Variants in PLCL2 observed in about 807,000 individuals in gnomAD.
The protein encoded by PLCL2 is inactive phospholipase C-like protein 2.
A neutral mutation model predicts 79.6 loss-of-function variants in PLCL2; 4 were observed. That is an observed-to-expected ratio of 0.05 (90% CI 0.02 to 0.11). The LOEUF (loss-of-function observed/expected upper bound fraction) is 0.11. PLCL2 is among the 10% of genes least tolerant of loss of function. The probability of loss-of-function intolerance (pLI) is 1.00; values close to 1 mark genes in which losing one functional copy is unlikely to be tolerated. For synonymous variants in PLCL2, 484 were observed against 457.7 expected (o/e 1.06, Z -0.73); for missense variants, 895 against 1,291.0 (o/e 0.69, Z 4.70).
intron 1 of PLCL2, among the ~76,000 whole-genome samples, chr3:16,913,964 T>C (rs2124929790): frequency 6.6e-6 from 1 of 152,384 alleles, no homozygotes; most frequent in East Asian, 1.9e-4. Context: ...AAATGTTTTC[T>C]TCAACACCCT....
chr3:16,959,120 G>A (rs2063732341), intron 1 of PLCL2, among the ~76,000 whole-genome samples: 1 of 152,120 alleles, frequency 6.6e-6, no homozygotes, highest in East Asian at 1.9e-4. Context: ...TGCAGCTCCT[G>A]CTTCCACATT....
chr3:16,930,654 T>C (rs1697371737), intron 1 of PLCL2, among the ~76,000 whole-genome samples: 1 of 152,204 alleles, frequency 6.6e-6, no homozygotes, highest in South Asian at 2.1e-4. Flanking sequence ...GTGATACTTC[T>C]GTAAACTCCC....
At chr3:17,005,794 C>A (rs9845137) in intron 1 of PLCL2, among the ~76,000 whole-genome samples, 23,541 of 151,988 alleles carry the variant, frequency 0.15, 2,269 homozygotes, top group Non-Finnish European at 0.2. Context: ...TCTTTGGAAG[C>A]CGGTTTTCTT....
chr3:16,963,631 T>A (rs2063776484), intron 1 of PLCL2, among the ~76,000 whole-genome samples: 1 of 152,182 alleles, frequency 6.6e-6, no homozygotes, highest in African/African-American at 2.4e-5. Context: ...GCAATCTTAT[T>A]TAACCCCCAG....
intron 1 of PLCL2, among the ~76,000 whole-genome samples, chr3:16,934,121 T>C (rs1325708055): frequency 1.3e-5 from 2 of 152,136 alleles, no homozygotes; most frequent in Non-Finnish European, 2.9e-5. Context: ...GCCCTAGATA[T>C]TGGGCATGCA....
chr3:16,902,966 G>A (rs2124922400), intron 1 of PLCL2, among the ~76,000 whole-genome samples: 1 of 151,864 alleles, frequency 6.6e-6, no homozygotes, highest in East Asian at 1.9e-4. Context: ...TAATCTTTGA[G>A]TCTCTTACCA....
At chr3:17,041,292 CT>C (rs1463672221) in intron 3 of PLCL2, among the ~76,000 whole-genome samples, 1 of 152,114 alleles carries the variant, frequency 6.6e-6, no homozygotes, top group Admixed American at 6.6e-5. Context: ...AGGCTGTGGA[CT>C]TCTTGAGGAC....
At chr3:16,969,764 C>G (rs1255483343) in intron 1 of PLCL2, among the ~76,000 whole-genome samples, 1 of 151,706 alleles carries the variant, frequency 6.6e-6, no homozygotes, top group Non-Finnish European at 1.5e-5. Context: ...GATTTTGGTT[C>G]TTTTCTTCTG....
chr3:16,914,689 G>A (rs1038830604), intron 1 of PLCL2, among the ~76,000 whole-genome samples: 7 of 151,714 alleles, frequency 4.6e-5, no homozygotes, highest in Admixed American at 1.3e-4. Flanking sequence ...TAGGGGGTAT[G>A]TGTGATTTAA....
chr3:16,956,745 G>C (rs2063709515), intron 1 of PLCL2, among the ~76,000 whole-genome samples: 1 of 152,074 alleles, frequency 6.6e-6, no homozygotes, highest in Non-Finnish European at 1.5e-5. Context: ...ACTTCTTCCT[G>C]GTTTGGTCTT....
At chr3:16,914,762 G>A (rs906454693) in intron 1 of PLCL2, among the ~76,000 whole-genome samples, 2 of 151,528 alleles carry the variant, frequency 1.3e-5, no homozygotes, top group Non-Finnish European at 2.9e-5. Context: ...TTAGAGACAG[G>A]GTCTCACTCT....
chr3:16,946,146 T>G (rs2063598895), intron 1 of PLCL2, among the ~76,000 whole-genome samples: 1 of 152,134 alleles, frequency 6.6e-6, no homozygotes, highest in Admixed American at 6.5e-5. Context: ...ATAGAAAGAC[T>G]TAAATTGAAT....
chr3:17,019,756 A>G (rs940517281), intron 3 of PLCL2, among the ~76,000 whole-genome samples: 1 of 152,204 alleles, frequency 6.6e-6, no homozygotes, highest in African/African-American at 2.4e-5. Context: ...TGCAATCATA[A>G]ATGTCTGAAC....
chr3:16,974,538 A>G (rs2124981840), intron 1 of PLCL2, among the ~76,000 whole-genome samples: 2 of 152,292 alleles, frequency 1.3e-5, no homozygotes, highest in South Asian at 4.1e-4. Context: ...CTAGTTTGCT[A>G]CATTCTGAAA....
chr3:17,013,607 CA>C (rs1362678042), intron 2 of PLCL2, among the ~76,000 whole-genome samples: 1 of 152,096 alleles, frequency 6.6e-6, no homozygotes, highest in Non-Finnish European at 1.5e-5. Flanking sequence ...ATATTTAAAG[CA>C]ATATTAATAA....
intron 3 of PLCL2, among the ~76,000 whole-genome samples, chr3:17,040,308 A>G (rs894342658): frequency 6.6e-6 from 1 of 152,188 alleles, no homozygotes; most frequent in Non-Finnish European, 1.5e-5. Flanking sequence ...ATGGATGTGC[A>G]TTTATTCAGC....
intron 1 of PLCL2, among the ~76,000 whole-genome samples, chr3:16,924,354 C>T (rs1404800752): frequency 1.3e-5 from 2 of 152,174 alleles, no homozygotes; most frequent in Non-Finnish European, 2.9e-5. Context: ...CATATATGTC[C>T]ATTGAAGCTT....
intron 1 of PLCL2, among the ~76,000 whole-genome samples, chr3:16,999,994 T>C (rs996641836): frequency 6.6e-6 from 1 of 152,164 alleles, no homozygotes; most frequent in African/African-American, 2.4e-5. Context: ...CTAAAGTTTA[T>C]GTTAATAAGG....
intron 4 of PLCL2, among the ~76,000 whole-genome samples, chr3:17,063,052 G>C (rs2064967867): frequency 6.6e-6 from 1 of 151,532 alleles, no homozygotes; most frequent in Non-Finnish European, 1.5e-5. Flanking sequence ...GACTCTTTTG[G>C]CTTAAATCCA....
Sources: gnomAD v4.1 joint callset for allele counts (sites outside exome capture counted in the v4.1 genomes callset) on GRCh38, gnomAD v4.1.1 for gene constraint, MANE v1.5 for transcripts, NCBI Gene and HGNC (gene_info 2026-07-23, HGNC 2026-07-21) for gene names.